The following USP28 variants were observed in gnomAD, a reference collection of about 807,000 sequenced individuals.
The protein encoded by USP28 is ubiquitin carboxyl-terminal hydrolase 28.
A neutral mutation model predicts 145.0 loss-of-function variants in USP28; 113 were observed. The observed-to-expected ratio is 0.78, with a 90% CI of 0.67 to 0.91. The LOEUF (loss-of-function observed/expected upper bound fraction) is 0.91, where lower values mean the gene tolerates loss of function less well. USP28 is among the 40% of genes least tolerant of loss of function. The pLI is 0.00. For missense variants in USP28, 1,201 were observed against 1,289.6 expected (o/e 0.93, Z 1.05); for synonymous variants, 447 against 450.9 (o/e 0.99, Z 0.11).
chr11:113,824,645 G>A (rs1303586583), intron 11 of USP28, among the ~76,000 whole-genome samples: 1 of 150,284 alleles, frequency 6.7e-6, no homozygotes, highest in Non-Finnish European at 1.5e-5. Flanking sequence ...TTATTAAGAT[G>A]TTGGACCAGG....
At chr11:113,871,004 T>C (rs1179717786) in intron 1 of USP28, among the ~76,000 whole-genome samples, 1 of 152,184 alleles carries the variant, frequency 6.6e-6, no homozygotes, top group Non-Finnish European at 1.5e-5. Context: ...AAATTCAAAA[T>C]GTAATATGCA....
chr11:113,831,825 G>T, intron 8 of USP28, 95 bp downstream of exon 8: 1 of 1,234,916 alleles, frequency 8.1e-7, no homozygotes, highest in Non-Finnish European at 1.2e-6. Context: ...TTAAAAACCA[G>T]CAATTTCTAG....
intron 1 of USP28, among the ~76,000 whole-genome samples, chr11:113,867,589 G>A (rs1020450062): frequency 6.6e-6 from 1 of 151,792 alleles, no homozygotes; most frequent in Non-Finnish European, 1.5e-5. Context: ...TCACCTGGGT[G>A]CAGTGGCACA....
chr11:113,808,507 A>G, intron 17 of USP28, 70 bp from the exon 18 acceptor site: 1 of 1,548,640 alleles, frequency 6.5e-7, no homozygotes, highest in Non-Finnish European at 8.8e-7. Flanking sequence ...ATAAAAAGCA[A>G]GCAGAATGTA....
At chr11:113,825,417 T>TTTGGAA (rs1565391769) in intron 11 of USP28, among the ~76,000 whole-genome samples, 1 of 152,236 alleles carries the variant, frequency 6.6e-6, no homozygotes, top group African/African-American at 2.4e-5. Context: ...TGCAAAATTG[T>TTTGGAA]ATAGTCACTT....
intron 1 of USP28, among the ~76,000 whole-genome samples, chr11:113,856,808 G>T (rs1440074033): frequency 6.6e-6 from 1 of 152,076 alleles, no homozygotes; most frequent in Non-Finnish European, 1.5e-5. Context: ...CGACTCCCGG[G>T]TTCAAGCGAT....
intron 12 of USP28, among the ~76,000 whole-genome samples, chr11:113,822,071 G>C (rs1372566412): frequency 1.3e-5 from 2 of 152,118 alleles, no homozygotes; most frequent in Non-Finnish European, 1.5e-5. Context: ...TTGTCTCCTG[G>C]TAAATTGGTA....
chr11:113,871,198 C>A (rs1446072756), intron 1 of USP28, among the ~76,000 whole-genome samples: 11 of 152,144 alleles, frequency 7.2e-5, no homozygotes, highest in Non-Finnish European at 1.6e-4. Context: ...TGTACAAAAT[C>A]AGCTGGAGAG....
intron 1 of USP28, among the ~76,000 whole-genome samples, chr11:113,864,763 C>T (rs1345628870): frequency 6.6e-6 from 1 of 152,214 alleles, no homozygotes; most frequent in Non-Finnish European, 1.5e-5. Flanking sequence ...TCCAGAATCA[C>T]GCTCACAGAC....
chr11:113,874,581 G>A (rs1038309960), intron 1 of USP28: 2 of 1,288,848 alleles, frequency 1.6e-6, no homozygotes, highest in African/African-American at 3.0e-5. Context: ...ACTCGTATTT[G>A]AACAACTGGC....
rs1412987992 is a variant in USP28, at chr11:113,805,135, G to A, written c.2401-89C>T. The A allele has an allele frequency of 3.3e-6, 4 of 1,227,002 alleles. No homozygotes were observed. In the African/African-American group the frequency reaches 4.6e-5, roughly 14 times the overall value. The allele number at this position is 1,227,002 out of a possible 1,614,324, so 76.0% of individuals were successfully genotyped here. ...ATGCCTAGGAGCTAGGCAGTCTCTT[G>A]ACTCTAAAAAGACTTCTAAAAAATT... On this transcript the variant is annotated intron_variant, in intron 19 of 24. Coordinates refer to ENST00000003302, the Ensembl canonical transcript of USP28.
chr11:113,808,565 A>C (rs1940433789), intron 17 of USP28, 128 bp from the exon 18 acceptor site: 1 of 975,320 alleles, frequency 1.0e-6, no homozygotes, highest in Non-Finnish European at 1.4e-6. Flanking sequence ...ACAAAAGCCT[A>C]TGCAGATTTT....
chr11:113,812,755 A>G (rs989225925), intron 15 of USP28, among the ~76,000 whole-genome samples: 2 of 152,214 alleles, frequency 1.3e-5, no homozygotes. Flanking sequence ...TAAACTCCTC[A>G]GATCTAAAAC....
chr11:113,803,285 A>T lies in USP28; in HGVS notation c.2739-4T>A. 1 of 1,602,994 alleles carries T rather than the reference A, an allele frequency of 6.2e-7. No homozygotes were observed. Among genetic ancestry groups the T allele is most frequent in the African/African-American group, 1.4e-5 (1 of 72,896 alleles). On this transcript the variant is annotated splice_polypyrimidine_tract_variant and splice_region_variant and intron_variant, in intron 22 of 24. Coordinates refer to ENST00000003302, the Ensembl canonical transcript of USP28. ...GTAGGAAAGTGCCTCTTGGTACCTT[A>T]GAAAAATGGGAGATAAACAACAGCT...
chr11:113,868,642 T>C (rs1948522393), intron 1 of USP28, among the ~76,000 whole-genome samples: 1 of 151,932 alleles, frequency 6.6e-6, no homozygotes, highest in African/African-American at 2.4e-5. Flanking sequence ...AAAAAAGAGA[T>C]AGGTACCATG....
chr11:113,870,036 C>T lies in USP28; in HGVS notation c.57+5409G>A, dbSNP rs765289083. 9.2e-5 allele frequency among the ~76,000 whole-genome samples: 14 copies of T among 152,254 alleles called. No homozygotes were observed. In the South Asian group the frequency reaches 2.7e-3, roughly 29 times the overall value. The stretch of plus-strand genomic sequence containing the variant: ...AATTAGCTGGGCATGGTGGTGCATG[C>T]CTGTAATCCCAGCCACTCGGGAGGC... On this transcript the variant is annotated intron_variant, in intron 1 of 24. Transcript: ENST00000003302.
At chr11:113,853,897 A>G (rs934316806) in intron 2 of USP28, among the ~76,000 whole-genome samples, 1 of 150,356 alleles carries the variant, frequency 6.7e-6, no homozygotes, top group Non-Finnish European at 1.5e-5. Context: ...AAAAAAGTAT[A>G]TATATATACA....
At chr11:113,855,327 C>T (rs1372656984) in intron 1 of USP28, among the ~76,000 whole-genome samples, 6 of 152,004 alleles carry the variant, frequency 3.9e-5, no homozygotes, top group Non-Finnish European at 8.8e-5. Flanking sequence ...TACAAAACAC[C>T]GATTTGCAAG....
intron 11 of USP28, 96 bp downstream of exon 11, chr11:113,827,137 G>A: frequency 2.8e-6 from 4 of 1,415,898 alleles, no homozygotes; most frequent in South Asian, 1.5e-5. Flanking sequence ...ATATTATCAT[G>A]TCTCCCAGGT....
Sources: gnomAD v4.1 joint callset for allele counts (sites outside exome capture counted in the v4.1 genomes callset) on GRCh38, gnomAD v4.1.1 for gene constraint, MANE v1.5 for transcripts, NCBI Gene and HGNC (gene_info 2026-07-23, HGNC 2026-07-21) for gene names.